Variants in NRDE2 observed in about 807,000 individuals in gnomAD.
NRDE2 encodes nuclear exosome regulator NRDE2.
NRDE2 carries 76 observed loss-of-function variants against 124.2 expected under a neutral mutation model. The ratio of observed to expected loss-of-function variants is 0.61; its 90% CI spans 0.51 to 0.74. The LOEUF (loss-of-function observed/expected upper bound fraction) is 0.74. Among genes scored for constraint, NRDE2 ranks in the 30% least tolerant of loss-of-function variants. NRDE2 has a pLI of 0.00. For missense variants in NRDE2, 1,314 were observed against 1,417.3 expected (o/e 0.93, Z 1.17); for synonymous variants, 489 against 528.1 (o/e 0.93, Z 1.01).
Position 90,270,422 on chromosome 14 carries a change from T to C in NRDE2, c.*7914A>G, listed in dbSNP as rs1478949713. 4 of 1,514,788 alleles carry C rather than the reference T, an allele frequency of 2.6e-6. No homozygotes were observed. The South Asian group carries it at 3.7e-5, about 14-fold the overall frequency. The allele number at this position is 1,514,788 out of a possible 1,614,324, so 93.8% of individuals were successfully genotyped here. On this transcript the variant is annotated 3_prime_UTR_variant, in exon 14 of 14. Coordinates refer to ENST00000354366, the MANE Select transcript of NRDE2 (RefSeq NM_017970.4). ...CAATCAGGAAAGAGTCTATATGTGC[T>C]CTTGGGATGGTGGTTGGCCTGGACA...
Position 90,275,243 on chromosome 14 carries a change from G to A in NRDE2, c.*3093C>T, listed in dbSNP as rs912855322. 1.2e-4 allele frequency: 18 copies of A among 152,256 alleles called. No homozygotes were observed. The highest frequency in any genetic ancestry group is 4.3e-4 in the African/African-American group (18 of 41,522). 9.4% of individuals were successfully genotyped at this position (152,256 alleles called of 1,614,324 possible). ...GCTCCTGAACTGGATCCTTTTCCTAGAGGACATGACTGGGCCTGAGGACCT... is the reference window on the plus strand; with the variant it reads ...GCTCCTGAACTGGATCCTTTTCCTAAAGGACATGACTGGGCCTGAGGACCT... On this transcript the variant is annotated 3_prime_UTR_variant, in exon 14 of 14. Transcript: ENST00000354366.
At position 90,270,048 on chromosome 14, in the gene NRDE2, A is replaced by G. The variant is rs1438443740; in HGVS notation, c.*8288T>C. 19 of 767,308 alleles carry G rather than the reference A, an allele frequency of 2.5e-5. No homozygotes were observed. The East Asian group carries it at 4.4e-4, about 18-fold the overall frequency. The allele number at this position is 767,308 out of a possible 1,614,324, so 47.5% of individuals were successfully genotyped here. A position where few individuals can be genotyped will look rare whatever the true frequency, so the allele number is the denominator to read the frequency against. ...GTAGAAATCTACAAACTACAAAAATATATGTTTACTTTTTAAAATTTAGAC... is the reference window on the plus strand; with the variant it reads ...GTAGAAATCTACAAACTACAAAAATGTATGTTTACTTTTTAAAATTTAGAC... On this transcript the variant is annotated 3_prime_UTR_variant, in exon 14 of 14. Transcript: ENST00000354366.
Position 90,273,673 on chromosome 14 carries a change from GGC to G in NRDE2, c.*4661_*4662del, listed in dbSNP as rs1446833927. On this transcript the variant is annotated 3_prime_UTR_variant, in exon 14 of 14. Coordinates refer to ENST00000354366, the MANE Select transcript of NRDE2 (RefSeq NM_017970.4). ...TGCTGTTGGCAGGACCGTTCCCTCT[GGC>G]GTCTCTAAGGGAGAATCCGTTTCCT... 2 of 153,100 alleles carry G rather than the reference GGC, an allele frequency of 1.3e-5. No individual in the cohort carries two copies. The highest frequency in any genetic ancestry group is 6.5e-5 in the Admixed American group (1 of 15,288). The allele number at this position is 153,100 out of a possible 1,614,324, so 9.5% of individuals were successfully genotyped here.
Position 90,288,772 on chromosome 14 carries a change from GCCAACAC to G in NRDE2, c.2596_2602del (p.Val866LeufsTer5), listed in dbSNP as rs767042983. 2 of 1,614,118 alleles carry G rather than the reference GCCAACAC, an allele frequency of 1.2e-6. No individual in the cohort carries two copies. The highest frequency in any genetic ancestry group is 1.7e-6 in the Non-Finnish European group (2 of 1,180,016). On this transcript the variant is annotated frameshift_variant, in exon 11 of 14. Coordinates refer to ENST00000354366, the MANE Select transcript of NRDE2 (RefSeq NM_017970.4). LOFTEE classifies it high-confidence loss of function. ...CTTTCGCGCTTTCAAAATGTGAACA[GCCAACAC>G]CTGTCCAGTGTAGGGCCCATAGGGG...
chr14:90,269,615 G>T lies in NRDE2; in HGVS notation c.*8721C>A, dbSNP rs1891608897. ...ATATATTTGTGTTTAAGTGTGCTTTGGGAGGCCTATAAAATGATACATAAA... is the reference window on the plus strand; with the variant it reads ...ATATATTTGTGTTTAAGTGTGCTTTTGGAGGCCTATAAAATGATACATAAA... On this transcript the variant is annotated 3_prime_UTR_variant, in exon 14 of 14. Coordinates refer to ENST00000354366, the MANE Select transcript of NRDE2 (RefSeq NM_017970.4). 1 of 1,533,216 alleles carries T rather than the reference G, an allele frequency of 6.5e-7. No homozygotes were observed. 95.0% of individuals were successfully genotyped at this position (1,533,216 alleles called of 1,614,324 possible). A position where few individuals can be genotyped will look rare whatever the true frequency, so the allele number is the denominator to read the frequency against.
In NRDE2 at chr14:90,295,952, C is replaced by A. The variant is rs144699089; in HGVS notation, c.1666+2308G>T. 1.2e-4 allele frequency among the ~76,000 whole-genome samples: 18 copies of A among 152,294 alleles called. 1 individual carries two copies. The highest frequency in any genetic ancestry group is 3.4e-4 in the African/African-American group (14 of 41,552). ...AAGTCTCTAACTTGATGCTAAAAGT[C>A]AAGGTTTTGATATTCATTTGCATTC... On this transcript the variant is annotated intron_variant, in intron 8 of 13. Transcript: ENST00000354366.
At chr14:90,319,076 CT>C (rs1247093500) in intron 1 of NRDE2, among the ~76,000 whole-genome samples, 3 of 152,094 alleles carry the variant, frequency 2.0e-5, no homozygotes, top group Non-Finnish European at 4.4e-5. Flanking sequence ...CTGCTTACCC[CT>C]AATTTCTTAC....
Position 90,275,255 on chromosome 14 carries a change from G to A in NRDE2, c.*3081C>T, listed in dbSNP as rs1891778035. The A allele has an allele frequency of 6.6e-6, 1 of 152,138 alleles. No individual in the cohort carries two copies. Among genetic ancestry groups the A allele is most frequent in the Admixed American group, 6.5e-5 (1 of 15,280 alleles). The allele number at this position is 152,138 out of a possible 1,614,324, so 9.4% of individuals were successfully genotyped here. A position where few individuals can be genotyped will look rare whatever the true frequency, so the allele number is the denominator to read the frequency against. ...GATCCTTTTCCTAGAGGACATGACT[G>A]GGCCTGAGGACCTGCTAGGAGTACT... On this transcript the variant is annotated 3_prime_UTR_variant, in exon 14 of 14. Coordinates refer to ENST00000354366, the MANE Select transcript of NRDE2 (RefSeq NM_017970.4).
rs1280159896 is a variant in NRDE2 at position 90,273,612 on chromosome 14, C to G, written c.*4724G>C. 6.6e-6 allele frequency: 1 copy of G among 152,446 alleles called. No homozygotes were observed. The highest frequency in any genetic ancestry group is 1.5e-5 in the Non-Finnish European group (1 of 68,212). The allele number at this position is 152,446 out of a possible 1,614,324, so 9.4% of individuals were successfully genotyped here. On this transcript the variant is annotated 3_prime_UTR_variant, in exon 14 of 14. Transcript: ENST00000354366. ...ACAATTTTATCTCAGTTCTGTAGGT[C>G]AGAAGTCCAACACGAGTGTCTCCAG...
At chr14:90,293,173 C>T (rs959849324) in intron 8 of NRDE2, among the ~76,000 whole-genome samples, 2 of 152,156 alleles carry the variant, frequency 1.3e-5, no homozygotes, top group African/African-American at 2.4e-5. Context: ...GATGAAAATG[C>T]CCTACATACC....
chr14:90,299,352 G>C (rs1344687399), intron 7 of NRDE2, among the ~76,000 whole-genome samples: 1 of 151,936 alleles, frequency 6.6e-6, no homozygotes, highest in Non-Finnish European at 1.5e-5. Context: ...CCAGCCTAAA[G>C]GTCTGCATTT....
intron 10 of NRDE2, 60 bp from the exon 11 acceptor site, chr14:90,289,205 C>A: frequency 7.2e-7 from 1 of 1,392,638 alleles, no homozygotes; most frequent in Non-Finnish European, 9.9e-7. Flanking sequence ...TCCTCTGCTG[C>A]CAACTGTAGA....
chr14:90,293,417 A>AT (rs1892329041), intron 8 of NRDE2, among the ~76,000 whole-genome samples: 1 of 152,044 alleles, frequency 6.6e-6, no homozygotes, highest in African/African-American at 2.4e-5. Flanking sequence ...TGCCTGGCTA[A>AT]TTTTTTGTAT....
At chr14:90,309,531 A>C (rs1884751151) in intron 4 of NRDE2, among the ~76,000 whole-genome samples, 1 of 151,548 alleles carries the variant, frequency 6.6e-6, no homozygotes, top group African/African-American at 2.4e-5. Flanking sequence ...TAACCCAATC[A>C]AATCACGCCT....
rs1391098985 is a variant in NRDE2 at position 90,271,893 on chromosome 14, T to C, written c.*6443A>G. 2.1e-5 allele frequency: 1 copy of C among 48,432 alleles called. No individual in the cohort carries two copies. Among genetic ancestry groups the C allele is most frequent in the Non-Finnish European group, 6.2e-5 (1 of 16,250 alleles). 3.0% of individuals were successfully genotyped at this position (48,432 alleles called of 1,614,324 possible). A position where few individuals can be genotyped will look rare whatever the true frequency, so the allele number is the denominator to read the frequency against. On this transcript the variant is annotated 3_prime_UTR_variant, in exon 14 of 14. Coordinates refer to ENST00000354366, the MANE Select transcript of NRDE2 (RefSeq NM_017970.4). Reference sequence around the variant, plus strand: ...GTCTCATGCTTTATTTCAGAACAGATTTTTTTTTTTTTTTTTTTGAGGTAG... The same window carrying C: ...GTCTCATGCTTTATTTCAGAACAGACTTTTTTTTTTTTTTTTTTGAGGTAG...
chr14:90,315,777 G>A lies in NRDE2; in HGVS notation c.407+801C>T, dbSNP rs181943235. ...TCAAGACCTGCCTGGCCAACATGGT[G>A]AAATGCCATCTCTACTAAAAATACA... On this transcript the variant is annotated intron_variant, in intron 3 of 13. Coordinates refer to ENST00000354366, the MANE Select transcript of NRDE2 (RefSeq NM_017970.4). Among the ~76,000 whole-genome samples, 340 of 151,802 alleles carry A rather than the reference G, an allele frequency of 2.2e-3. 3 individuals carry two copies. Among genetic ancestry groups the A allele is most frequent in the Middle Eastern group, 0.02 (6 of 294 alleles).
At chr14:90,309,916 G>C (rs1309691335) in intron 4 of NRDE2, among the ~76,000 whole-genome samples, 1 of 152,136 alleles carries the variant, frequency 6.6e-6, no homozygotes, top group Non-Finnish European at 1.5e-5. Flanking sequence ...AGATTAATAA[G>C]GCTGTTTCCA....
intron 1 of NRDE2, 98 bp downstream of exon 1, chr14:90,331,743 A>C (rs961145507): frequency 1.5e-6 from 2 of 1,334,336 alleles, no homozygotes; most frequent in Non-Finnish European, 2.2e-6. Context: ...CTGGGATACA[A>C]ATGGATACAC....
chr14:90,325,095 T>C (rs1440178259), intron 1 of NRDE2, among the ~76,000 whole-genome samples: 1 of 151,834 alleles, frequency 6.6e-6, no homozygotes, highest in Admixed American at 6.6e-5. Context: ...ATTGAATGGG[T>C]GGAAGTGGGG....
Sources: allele counts gnomAD v4.1 joint callset (sites outside exome capture counted in the v4.1 genomes callset), GRCh38; gene constraint gnomAD v4.1.1; transcripts MANE v1.5; gene names NCBI Gene and HGNC (gene_info 2026-07-23, HGNC 2026-07-21).